MTPAP: variants seen among roughly 807,000 people sequenced by gnomAD.
MTPAP encodes the protein mitochondrial poly(A) polymerase, also known as poly(A) RNA polymerase, mitochondrial.
MTPAP carries 23 observed loss-of-function variants against 48.7 expected under a neutral mutation model. The observed-to-expected ratio is 0.47, with a 90% CI of 0.34 to 0.67. The LOEUF (loss-of-function observed/expected upper bound fraction) is 0.67, where lower values mean the gene tolerates loss of function less well. Among genes scored for constraint, MTPAP ranks in the 30% least tolerant of loss-of-function variants. The pLI is 0.01. For synonymous variants in MTPAP, 257 were observed against 254.1 expected (o/e 1.01, Z -0.11); for missense variants, 614 against 694.3 (o/e 0.88, Z 1.30).
At chr10:30,329,044 G>A (rs1036279367) in intron 4 of MTPAP, among the ~76,000 whole-genome samples, 1 of 151,880 alleles carries the variant, frequency 6.6e-6, no homozygotes, top group Non-Finnish European at 1.5e-5. Context: ...AGGAGTTTGA[G>A]ACCAGCCTGG....
At chr10:30,337,069 C>G (rs990571938) in intron 3 of MTPAP, 42 bp from the exon 4 acceptor site, 1 of 1,513,772 alleles carries the variant, frequency 6.6e-7, no homozygotes, top group Non-Finnish European at 9.2e-7. Flanking sequence ...AGAAAAAGTA[C>G]AGGTCGCATA....
rs1834804087 is a variant in MTPAP, at chr10:30,341,357, A to G, written c.330+111T>C. ...CTAGATAAAGAAGATGCAGTATATC[A>G]AAGAGAACCTACCTACCATATTGCA... On this transcript the variant is annotated intron_variant, in intron 2 of 8. Transcript: ENST00000263063. 4.3e-6 allele frequency: 6 copies of G among 1,384,718 alleles called. No individual in the cohort carries two copies. In the Admixed American group the frequency reaches 1.3e-4, roughly 31 times the overall value. The allele number at this position is 1,384,718 out of a possible 1,614,324, so 85.8% of individuals were successfully genotyped here.
At chr10:30,329,446 C>T (rs1298866000) in intron 4 of MTPAP, among the ~76,000 whole-genome samples, 5 of 152,004 alleles carry the variant, frequency 3.3e-5, no homozygotes. Flanking sequence ...GTTGCCCAGG[C>T]TGGTCTCGAA....
intron 4 of MTPAP, among the ~76,000 whole-genome samples, chr10:30,328,993 C>G (rs1282745645): frequency 6.6e-6 from 1 of 151,868 alleles, no homozygotes; most frequent in Non-Finnish European, 1.5e-5. Flanking sequence ...GCTGTAATCC[C>G]AACACTTTGG....
intron 2 of MTPAP, 74 bp downstream of exon 2, chr10:30,341,394 C>T (rs1247689684): frequency 1.2e-5 from 18 of 1,534,360 alleles, no homozygotes; most frequent in Non-Finnish European, 1.6e-5. Context: ...AAAGCAACAG[C>T]AAAAAACAAC....
chr10:30,333,755 A>G (rs1449669377), intron 4 of MTPAP, among the ~76,000 whole-genome samples: 3 of 152,064 alleles, frequency 2.0e-5, no homozygotes, highest in Non-Finnish European at 4.4e-5. Flanking sequence ...TCTCTAAAAT[A>G]ATTAGCCGGA....
rs185764766 is a variant in MTPAP at position 30,326,456 on chromosome 10, G to C, written c.960C>G (p.Ser320=). Residue 320 remains serine (S), a synonymous_variant, in exon 5 of 9, where the codon TCC becomes TCG. Coordinates refer to ENST00000263063, the MANE Select transcript of MTPAP (RefSeq NM_018109.4). The stretch of plus-strand genomic sequence containing the variant: ...TCGTAGTCAAATCACACTGAAATCC[G>C]GAGGCCTGGTGTGAGAACCTCACGA... ...CPLVRFSHQA[S]GFQCDLTTNN... The C allele has an allele frequency of 6.2e-7, 1 of 1,613,996 alleles. No homozygotes were observed. Among genetic ancestry groups the C allele is most frequent in the Non-Finnish European group, 8.5e-7 (1 of 1,179,984 alleles).
chr10:30,325,118 G>GAT (rs1834568030), intron 5 of MTPAP, among the ~76,000 whole-genome samples: 1 of 151,932 alleles, frequency 6.6e-6, no homozygotes, highest in Non-Finnish European at 1.5e-5. Context: ...AAGGTATCTT[G>GAT]ATATAAAGAA....
Position 30,316,139 on chromosome 10 carries a change from A to G in MTPAP, c.1291T>C (p.Ser431Pro), listed in dbSNP as rs1174059801. The change falls in exon 7 of 9, where the codon TCA (serine) becomes CCA (proline). Residue 431 changes from serine to proline, a missense_variant. Around this residue, in one of 5 missense-constraint regions of MTPAP, gnomAD observed 261 missense variants for 355.4 expected, o/e 0.73. Transcript: ENST00000263063. ...FVRDLSRIKP[S>P]QNTETLELLL... is the part of the protein sequence containing the mutation. ...TTACCTAATGTTTCTGTGTTCTGTG[A>G]AGGTTTAATTCTACTCAAGTCACGA... 1.2e-6 allele frequency: 2 copies of G among 1,613,900 alleles called. No individual in the cohort carries two copies. Among genetic ancestry groups the G allele is most frequent in the Non-Finnish European group, 8.5e-7 (1 of 1,179,790 alleles).
rs181160926 is a variant in MTPAP at position 30,348,508 on chromosome 10, A to G, written c.157+611T>C. On this transcript the variant is annotated intron_variant, in intron 1 of 8. Coordinates refer to ENST00000263063, the MANE Select transcript of MTPAP (RefSeq NM_018109.4). ...GCTCTTGAGTCACAAGAGAGGTTCA[A>G]TAACACTGGCTTCTCAATACACAAA... Among the ~76,000 whole-genome samples, 335 of 152,368 alleles carry G rather than the reference A, an allele frequency of 2.2e-3. 1 individual carries two copies. The highest frequency in any genetic ancestry group is 7.6e-3 in the African/African-American group (314 of 41,580).
chr10:30,339,381 G>A (rs912710846), intron 3 of MTPAP, among the ~76,000 whole-genome samples: 8 of 151,284 alleles, frequency 5.3e-5, no homozygotes, highest in Admixed American at 4.6e-4. Context: ...CAGCTACTTG[G>A]GCAGCTGAGG....
intron 5 of MTPAP, among the ~76,000 whole-genome samples, chr10:30,324,717 A>T (rs1424597528): frequency 6.6e-6 from 1 of 152,168 alleles, no homozygotes; most frequent in African/African-American, 2.4e-5. Context: ...GAATAGAAGA[A>T]ACAAGGCCAG....
At chr10:30,314,884 C>CAAAAAAAAAAAAAAAAAAAAAAA (rs34249388) in intron 8 of MTPAP, among the ~76,000 whole-genome samples, 1 of 110,746 alleles carries the variant, frequency 9.0e-6, no homozygotes, top group Non-Finnish European at 1.8e-5. Context: ...AAAACAAAAA[C>CAAAAAAAAAAAAAAAAAAAAAAA]AAAAAAAAAA....
intron 6 of MTPAP, among the ~76,000 whole-genome samples, chr10:30,320,450 A>G (rs1233382667): frequency 6.6e-6 from 1 of 152,168 alleles, no homozygotes; most frequent in East Asian, 1.9e-4. Context: ...TGAGCCCGGG[A>G]GGTCGAGGCT....
rs575238015 is a variant in MTPAP, at chr10:30,333,928, T to A, written c.780+2875A>T. Among the ~76,000 whole-genome samples, 5 of 152,114 alleles carry A rather than the reference T, an allele frequency of 3.3e-5. No homozygotes were observed. In the South Asian group the frequency reaches 8.3e-4, roughly 25 times the overall value. Reference sequence around the variant, plus strand: ...AAATAGTAATAATAATAATTATTATTATAATAAAACTGACCCATTTAATTT... The same window carrying A: ...AAATAGTAATAATAATAATTATTATAATAATAAAACTGACCCATTTAATTT... On this transcript the variant is annotated intron_variant, in intron 4 of 8. Coordinates refer to ENST00000263063, the MANE Select transcript of MTPAP (RefSeq NM_018109.4).
At chr10:30,340,571 A>G (rs1371257425) in intron 2 of MTPAP, 121 bp from the exon 3 acceptor site, 1 of 795,998 alleles carries the variant, frequency 1.3e-6, no homozygotes, top group African/African-American at 1.7e-5. Flanking sequence ...TAAAATTTAC[A>G]AATGATATGA....
intron 3 of MTPAP, among the ~76,000 whole-genome samples, chr10:30,339,213 G>A (rs746094459): frequency 9.9e-5 from 15 of 152,162 alleles, no homozygotes; most frequent in South Asian, 2.1e-4. Context: ...TGGGCCGGGC[G>A]TAGTGGCTCA....
chr10:30,318,728 C>T (rs567205293), intron 6 of MTPAP, among the ~76,000 whole-genome samples: 1 of 152,282 alleles, frequency 6.6e-6, no homozygotes, highest in South Asian at 2.1e-4. Flanking sequence ...ACAAACAGCC[C>T]TCAACTTTAA....
intron 4 of MTPAP, among the ~76,000 whole-genome samples, chr10:30,334,625 C>T (rs1834707618): frequency 6.6e-6 from 1 of 152,062 alleles, no homozygotes; most frequent in Admixed American, 6.6e-5. Context: ...CATGCCACTG[C>T]ACTCCAGCCT....
Sources: allele counts gnomAD v4.1 joint callset (sites outside exome capture counted in the v4.1 genomes callset), GRCh38; gene constraint gnomAD v4.1.1; regional missense constraint gnomAD v4.1.1; transcripts MANE v1.5; gene names NCBI Gene and HGNC (gene_info 2026-07-23, HGNC 2026-07-21).